The following TUT1 variants were observed in gnomAD, a reference collection of about 807,000 sequenced individuals.
TUT1 encodes terminal uridylyl transferase 1, U6 snRNA-specific, also known as speckle targeted PIP5K1A-regulated poly(A) polymerase.
TUT1 carries 26 observed loss-of-function variants against 48.8 expected under a neutral mutation model. That is an observed-to-expected ratio of 0.53 (90% CI 0.39 to 0.74). The LOEUF is 0.74. Among genes scored for constraint, TUT1 ranks in the 30% least tolerant of loss-of-function variants. The pLI is 0.00. For synonymous variants in TUT1, 470 were observed against 460.8 expected, an observed-to-expected ratio of 1.02 and a Z score of -0.26; for missense variants, 1,065 against 1,114.8, an observed-to-expected ratio of 0.96 and a Z score of 0.64.
chr11:62,583,533 G>A (rs560988236), intron 2 of TUT1, among the ~76,000 whole-genome samples: 2 of 152,180 alleles, frequency 1.3e-5, no homozygotes, highest in Admixed American at 1.3e-4. Flanking sequence ...GGGAGGCGGA[G>A]GTTACTGTGA....
chr11:62,576,810 A>C (rs1565265471), intron 7 of TUT1, 61 bp from the exon 8 acceptor site: 1 of 1,598,796 alleles, frequency 6.3e-7, no homozygotes, highest in Non-Finnish European at 8.6e-7. Context: ...GTGGGGGTAG[A>C]GAGATCTCAT....
At chr11:62,589,337 G>T in intron 1 of TUT1, 116 bp from the exon 2 acceptor site, 1 of 933,592 alleles carries the variant, frequency 1.1e-6, no homozygotes, top group Non-Finnish European at 1.6e-6. Context: ...TGTGACCTTT[G>T]AATAAACAAA....
At chr11:62,576,631 T>A (rs1941733286) in intron 8 of TUT1, 26 bp downstream of exon 8, 2 of 1,591,042 alleles carry the variant, frequency 1.3e-6, no homozygotes, top group Non-Finnish European at 1.7e-6. Context: ...TCATTACTAG[T>A]CCTCTACCAG....
rs569447631 is a variant in TUT1, at chr11:62,579,714, G to T, written c.691-684C>A. Among the ~76,000 whole-genome samples, 78 of 149,730 alleles carry T rather than the reference G, an allele frequency of 5.2e-4. 1 individual carries two copies. The highest frequency in any genetic ancestry group is 1.8e-3 in the African/African-American group (74 of 40,534). ...GAGTCTCAATCTGTCATCCAGGCTG[G>T]AGTGCAGTGGCGCGATCTCGGCTCA... On this transcript the variant is annotated intron_variant, in intron 4 of 8. Transcript: ENST00000476907.
chr11:62,586,825 A>G (rs1352825192), intron 2 of TUT1, among the ~76,000 whole-genome samples: 2 of 147,228 alleles, frequency 1.4e-5, no homozygotes, highest in Non-Finnish European at 3.0e-5. Context: ...CTGAGGCGGG[A>G]GAATTGCTTG....
chr11:62,575,568 G>A lies in TUT1; in HGVS notation c.2151C>T (p.Thr717=). ...CTCCAGGGGCTCCATGCTTTCCAGT[G>A]GTCAGGGGCAGGTCCCCTGGCTGCC... ...SPGQPGDLPL[T]TGKHGAPGEE... Residue 717 remains threonine (T), a synonymous_variant, in exon 9 of 9, where the codon ACC becomes ACT. Coordinates refer to ENST00000476907, the MANE Select transcript of TUT1 (RefSeq NM_022830.3). 1 of 1,614,072 alleles carries A rather than the reference G, an allele frequency of 6.2e-7. No homozygotes were observed. Among genetic ancestry groups the A allele is most frequent in the Non-Finnish European group, 8.5e-7 (1 of 1,180,024 alleles).
rs1221668547 is a variant in TUT1 at position 62,575,067 on chromosome 11, C to G, written c.*27G>C. Reference sequence around the variant, plus strand: ...GGAGACTGTATTAATAAACTAGCAGCTTTATTGCCCTTCAGGGGCCATGTC... The same window carrying G: ...GGAGACTGTATTAATAAACTAGCAGGTTTATTGCCCTTCAGGGGCCATGTC... On this transcript the variant is annotated 3_prime_UTR_variant, in exon 9 of 9. Transcript: ENST00000476907. The G allele has an allele frequency of 1.3e-6, 2 of 1,546,810 alleles. No individual in the cohort carries two copies. The highest frequency in any genetic ancestry group is 1.7e-6 in the Non-Finnish European group (2 of 1,147,662).
intron 2 of TUT1, chr11:62,582,580 A>G: frequency 4.4e-6 from 2 of 455,556 alleles, no homozygotes; most frequent in Non-Finnish European, 4.4e-6. Flanking sequence ...CCAGCCTGAG[A>G]GACAGCGAGA....
In TUT1 at chr11:62,581,603, G is replaced by A; in HGVS notation, c.372C>T (p.Arg124=). ...TCTGGAACTCCTTCTGCTCCCGTGG[G>A]CGGACACGCAGGCGATGTCCTCCCA... ...HSLGGHRLRV[R]PREQKEFQSP... The change falls in exon 3 of 9, where the codon CGC becomes CGT. Residue 124 remains arginine, a synonymous_variant. Transcript: ENST00000476907. 6.3e-7 allele frequency: 1 copy of A among 1,598,536 alleles called. No individual in the cohort carries two copies. Among genetic ancestry groups the A allele is most frequent in the Non-Finnish European group, 8.5e-7 (1 of 1,171,290 alleles).
intron 1 of TUT1, among the ~76,000 whole-genome samples, chr11:62,590,940 G>T (rs529713641): frequency 6.6e-6 from 1 of 152,022 alleles, no homozygotes; most frequent in African/African-American, 2.4e-5. Context: ...AGTCATTCAT[G>T]CCACACCTAT....
chr11:62,581,743 G>A, intron 2 of TUT1, 42 bp from the exon 3 acceptor site: 1 of 1,333,908 alleles, frequency 7.5e-7, no homozygotes, highest in Non-Finnish European at 9.7e-7. Context: ...TTGGAACCAA[G>A]AATCTAAGCA....
intron 4 of TUT1, 78 bp from the exon 5 acceptor site, chr11:62,579,108 G>C (rs1239789968): frequency 3.6e-6 from 4 of 1,099,100 alleles, no homozygotes; most frequent in Non-Finnish European, 5.0e-6. Context: ...ATTACTTCCA[G>C]CTTATTCAGC....
Position 62,575,953 on chromosome 11 carries a change from C to G in TUT1, c.1766G>C (p.Trp589Ser), listed in dbSNP as rs966370104. ...GGGCTGCAGAAGAGGGAGCAGCCCCCAGTCCCGACCCCGGGAGGAACGGCG... is the reference window on the plus strand; with the variant it reads ...GGGCTGCAGAAGAGGGAGCAGCCCCGAGTCCCGACCCCGGGAGGAACGGCG... ...YQRRSSRGRDWGLLPLLQPSS... is the reference protein window; with the variant it reads ...YQRRSSRGRDSGLLPLLQPSS... The change falls in exon 9 of 9, where the codon TGG becomes TCG. Residue 589 changes from tryptophan (W) to serine (S), a missense_variant. Physicochemically the swap from Trp to Ser is radical, Grantham distance 177 (BLOSUM62 -3). Transcript: ENST00000476907. The G allele has an allele frequency of 1.2e-6, 2 of 1,614,014 alleles. No homozygotes were observed. Among genetic ancestry groups the G allele is most frequent in the Non-Finnish European group, 1.7e-6 (2 of 1,180,026 alleles).
At position 62,575,976 on chromosome 11, in the gene TUT1, G is replaced by A. The variant is rs149023986; in HGVS notation, c.1743C>T (p.Arg581=). 5.5e-3 allele frequency: 8,917 copies of A among 1,614,098 alleles called. 57 individuals carry two copies. Among genetic ancestry groups the A allele is most frequent in the Middle Eastern group, 6.4e-3 (39 of 6,056 alleles). ...ANYCRSLQYQ[R]RSSRGRDWGL... Reference sequence around the variant, plus strand: ...CCCAGTCCCGACCCCGGGAGGAACGGCGCTGGTACTGGAGGCTTCGGCAGT... The same window carrying A: ...CCCAGTCCCGACCCCGGGAGGAACGACGCTGGTACTGGAGGCTTCGGCAGT... The change falls in exon 9 of 9, where the codon CGC becomes CGT. Residue 581 remains arginine, a synonymous_variant. Transcript: ENST00000476907.
At chr11:62,590,230 C>T (rs914613546) in intron 1 of TUT1, among the ~76,000 whole-genome samples, 2 of 152,198 alleles carry the variant, frequency 1.3e-5, no homozygotes, top group Non-Finnish European at 2.9e-5. Flanking sequence ...CATTGGCTCA[C>T]GCCTGTAATC....
At position 62,575,127 on chromosome 11, in the gene TUT1, A is replaced by AAC. The variant is rs1193228544; in HGVS notation, c.2590_2591dup (p.Leu866SerfsTer19). 6.3e-7 allele frequency: 1 copy of AAC among 1,578,590 alleles called. No individual in the cohort carries two copies. Among genetic ancestry groups the AAC allele is most frequent in the Admixed American group, 1.8e-5 (1 of 55,864 alleles). ...GATGTCGAATTGCTTGAGGGAGGAA[A>AAC]ACCTGTAAGAAATGATGGAGATCAG... On this transcript the variant is annotated frameshift_variant, in exon 9 of 9. Coordinates refer to ENST00000476907, the MANE Select transcript of TUT1 (RefSeq NM_022830.3). LOFTEE classifies it high-confidence loss of function.
intron 6 of TUT1, 37 bp downstream of exon 6, chr11:62,577,145 C>T (rs769763104): frequency 1.2e-6 from 2 of 1,601,020 alleles, no homozygotes; most frequent in Non-Finnish European, 1.7e-6. Flanking sequence ...TGTCCTGAGA[C>T]CAACTCAGCC....
chr11:62,582,741 C>T (rs1250787635), intron 2 of TUT1: 4 of 265,634 alleles, frequency 1.5e-5, no homozygotes, highest in Non-Finnish European at 2.3e-5. Flanking sequence ...CTATGACCCA[C>T]CCTATAACTT....
intron 8 of TUT1, 150 bp from the exon 9 acceptor site, chr11:62,576,394 A>G (rs1294069108): frequency 9.6e-7 from 1 of 1,039,094 alleles, no homozygotes; most frequent in Non-Finnish European, 1.4e-6. Context: ...TGATCCCTAT[A>G]AACAAGAGGT....
Sources: gnomAD v4.1 joint callset for allele counts (sites outside exome capture counted in the v4.1 genomes callset) on GRCh38, gnomAD v4.1.1 for gene constraint, MANE v1.5 for transcripts, NCBI Gene and HGNC (gene_info 2026-07-23, HGNC 2026-07-21) for gene names.